The following ATF1 variants were observed in gnomAD, a reference collection of about 807,000 sequenced individuals.
ATF1 encodes the protein cyclic AMP-dependent transcription factor ATF-1.
A neutral mutation model predicts 34.7 loss-of-function variants in ATF1; 16 were observed. The observed-to-expected ratio is 0.46, with a 90% confidence interval of 0.31 to 0.70. ATF1 has a LOEUF of 0.70. Ranked by LOEUF, ATF1 falls within the 30% of genes least tolerant of loss-of-function variation. ATF1 has a pLI of 0.05. For synonymous variants in ATF1, 105 were observed against 113.1 expected, an observed-to-expected ratio of 0.93 and a Z score of 0.46; for missense variants, 255 against 321.6, an observed-to-expected ratio of 0.79 and a Z score of 1.58.
chr12:50,790,531 A>AT (rs1282849524), intron 2 of ATF1, among the ~76,000 whole-genome samples: 1 of 152,012 alleles, frequency 6.6e-6, no homozygotes, highest in African/African-American at 2.4e-5. Flanking sequence ...CTATGCCCAT[A>AT]TTGGGGTACT....
chr12:50,790,415 A>G (rs1941278185), intron 2 of ATF1, among the ~76,000 whole-genome samples: 1 of 152,070 alleles, frequency 6.6e-6, no homozygotes. Context: ...TATGTTGCCC[A>G]GGCTGGTCTT....
At chr12:50,789,650 G>A (rs996882041) in intron 2 of ATF1, among the ~76,000 whole-genome samples, 1 of 152,102 alleles carries the variant, frequency 6.6e-6, no homozygotes, top group Non-Finnish European at 1.5e-5. Flanking sequence ...AGCTACTCGG[G>A]AGGCTGAGGC....
At position 50,814,386 on chromosome 12, in the gene ATF1, A is replaced by C; in HGVS notation, c.618A>C (p.Thr206=). ...CTCCTGTGACTCTCACCTCTCAGAC[A>C]ACTAAGACAGATGACCCCCAATTGA... The part of the protein sequence containing the change: ...MTSPVTLTSQ[T]TKTDDPQLKR... Residue 206 remains threonine (T), a synonymous_variant, in exon 6 of 7, where the codon ACA becomes ACC. Coordinates refer to ENST00000262053, the MANE Select transcript of ATF1 (RefSeq NM_005171.5). The C allele has an allele frequency of 3.7e-6, 6 of 1,614,214 alleles. No homozygotes were observed. The East Asian group carries it at 6.7e-5, about 18-fold the overall frequency.
At chr12:50,803,697 A>G (rs941446889) in intron 3 of ATF1, among the ~76,000 whole-genome samples, 1 of 152,216 alleles carries the variant, frequency 6.6e-6, no homozygotes, top group Non-Finnish European at 1.5e-5. Context: ...AACAACCCAA[A>G]TGTCCATTAA....
chr12:50,797,887 A>C (rs1941439555), intron 3 of ATF1, among the ~76,000 whole-genome samples: 1 of 152,096 alleles, frequency 6.6e-6, no homozygotes, highest in Non-Finnish European at 1.5e-5. Context: ...TTAAGAAACT[A>C]CTTAAGGAGG....
At chr12:50,768,753 AT>A (rs1486334487) in intron 1 of ATF1, among the ~76,000 whole-genome samples, 1 of 152,262 alleles carries the variant, frequency 6.6e-6, no homozygotes, top group Non-Finnish European at 1.5e-5. Context: ...TCTTTAGGAA[AT>A]AAACACATCT....
rs148667627 is a variant in ATF1, at chr12:50,802,655, C to T, written c.194+6646C>T. Reference sequence around the variant, plus strand: ...TGGGAGGTCAAGGTGGGGCAGATCACGAGGTCAGGAGTTCGGGACCAGCCT... The same window carrying T: ...TGGGAGGTCAAGGTGGGGCAGATCATGAGGTCAGGAGTTCGGGACCAGCCT... On this transcript the variant is annotated intron_variant, in intron 3 of 6. Coordinates refer to ENST00000262053, the MANE Select transcript of ATF1 (RefSeq NM_005171.5). 5.4e-3 allele frequency among the ~76,000 whole-genome samples: 820 copies of T among 151,434 alleles called. 5 individuals are homozygous for T. The highest frequency in any genetic ancestry group is 0.014 in the Middle Eastern group (4 of 292).
intron 2 of ATF1, among the ~76,000 whole-genome samples, chr12:50,783,063 C>G (rs1941106083): frequency 7.0e-6 from 1 of 143,704 alleles, no homozygotes; most frequent in African/African-American, 2.5e-5. Context: ...ATTTCTCTCA[C>G]TAATTTTTTT....
rs1021990995 is a variant in ATF1, at chr12:50,764,133, C to T, written c.-181C>T. 2.0e-5 allele frequency: 3 copies of T among 149,976 alleles called. No homozygotes were observed. Among genetic ancestry groups the T allele is most frequent in the Admixed American group, 2.0e-4 (3 of 15,084 alleles). The allele number at this position is 149,976 out of a possible 1,614,324, so 9.3% of individuals were successfully genotyped here. A position where few individuals can be genotyped will look rare whatever the true frequency, so the allele number is the denominator to read the frequency against. Reference sequence around the variant, plus strand: ...GCCCTGACTGCCGAGGAAACGGTAGCTTAGGACAGTTGGCTGTTAAGTGAC... The same window carrying T: ...GCCCTGACTGCCGAGGAAACGGTAGTTTAGGACAGTTGGCTGTTAAGTGAC... On this transcript the variant is annotated 5_prime_UTR_variant, in exon 1 of 7. Transcript: ENST00000262053.
chr12:50,805,192 T>G (rs192758118), intron 3 of ATF1, among the ~76,000 whole-genome samples: 3 of 152,078 alleles, frequency 2.0e-5, no homozygotes, highest in African/African-American at 7.2e-5. Flanking sequence ...TAACAAATCT[T>G]AACAAATTTA....
At chr12:50,809,618 T>C in intron 4 of ATF1, 29 bp downstream of exon 4, 1 of 1,583,336 alleles carries the variant, frequency 6.3e-7, no homozygotes, top group Non-Finnish European at 8.6e-7. Flanking sequence ...TTCCACATTA[T>C]AAACACACAA....
At chr12:50,797,936 G>C (rs965060827) in intron 3 of ATF1, among the ~76,000 whole-genome samples, 1 of 152,070 alleles carries the variant, frequency 6.6e-6, no homozygotes, top group African/African-American at 2.4e-5. Context: ...CCAGCACTTT[G>C]GGAGGCCGAG....
chr12:50,795,621 A>G (rs1941392591), intron 2 of ATF1, among the ~76,000 whole-genome samples: 1 of 152,118 alleles, frequency 6.6e-6, no homozygotes, highest in Non-Finnish European at 1.5e-5. Context: ...GAATGACATC[A>G]GAGCCTGGTC....
intron 3 of ATF1, among the ~76,000 whole-genome samples, chr12:50,797,582 C>T (rs1565911897): frequency 2.0e-5 from 3 of 152,140 alleles, no homozygotes; most frequent in South Asian, 2.1e-4. Flanking sequence ...GGGGTCAGCT[C>T]CTCAGCCTCC....
chr12:50,777,828 A>G (rs1379788246), intron 1 of ATF1, among the ~76,000 whole-genome samples: 1 of 152,072 alleles, frequency 6.6e-6, no homozygotes, highest in Non-Finnish European at 1.5e-5. Flanking sequence ...AGAAGAAAAT[A>G]TGTAGGCTTA....
chr12:50,765,168 T>A (rs1940601125), intron 1 of ATF1, among the ~76,000 whole-genome samples: 1 of 152,210 alleles, frequency 6.6e-6, no homozygotes, highest in Admixed American at 6.5e-5. Context: ...AAGCTCGGCG[T>A]GGATCTGGCA....
At chr12:50,807,836 G>GTCTC (rs1941649182) in intron 3 of ATF1, among the ~76,000 whole-genome samples, 3 of 144,132 alleles carry the variant, frequency 2.1e-5, no homozygotes, top group Non-Finnish European at 4.5e-5. Flanking sequence ...TTTTGAGAGA[G>GTCTC]TCTCACTCTG....
chr12:50,778,915 C>G (rs557256526), intron 1 of ATF1, among the ~76,000 whole-genome samples: 53 of 152,294 alleles, frequency 3.5e-4, no homozygotes, highest in African/African-American at 1.3e-3. Flanking sequence ...CAGCAGCTCT[C>G]CATTTGCTCC....
chr12:50,764,969 G>T (rs953811695), intron 1 of ATF1, among the ~76,000 whole-genome samples: 3 of 152,218 alleles, frequency 2.0e-5, no homozygotes, highest in African/African-American at 7.2e-5. Context: ...CGACCCAGCC[G>T]AGGGTGACTT....
Sources: gnomAD v4.1 joint callset for allele counts (sites outside exome capture counted in the v4.1 genomes callset) on GRCh38, gnomAD v4.1.1 for gene constraint, MANE v1.5 for transcripts, NCBI Gene and HGNC (gene_info 2026-07-23, HGNC 2026-07-21) for gene names.